The following CCDC3 variants were observed in gnomAD, a reference collection of about 807,000 sequenced individuals.
The protein encoded by CCDC3 is coiled-coil domain containing 3, also known as coiled-coil domain-containing protein 3.
Under a neutral mutation model 21.4 loss-of-function variants are expected in CCDC3, and 24 were observed. The ratio of observed to expected loss-of-function variants is 1.12; its 90% CI spans 0.81 to 1.58. The LOEUF is 1.58. CCDC3 is among the 40% of genes most tolerant of loss of function. The pLI is 0.00. For synonymous variants in CCDC3, 186 were observed against 166.0 expected (o/e 1.12, Z -0.93); for missense variants, 425 against 360.9 (o/e 1.18, Z -1.44).
intron 2 of CCDC3, among the ~76,000 whole-genome samples, chr10:12,899,265 T>C (rs1385224877): frequency 6.6e-6 from 1 of 151,984 alleles, no homozygotes; most frequent in Non-Finnish European, 1.5e-5. Context: ...ACCCCACTCA[T>C]AATAACATAA....
chr10:13,019,134 T>C (rs1480913755), intron 5 of CCDC3, among the ~76,000 whole-genome samples: 1 of 151,882 alleles, frequency 6.6e-6, no homozygotes, highest in East Asian at 1.9e-4. Flanking sequence ...CTCGGGAGGC[T>C]GAGGCAGGAG....
intron 4 of CCDC3, among the ~76,000 whole-genome samples, chr10:13,060,984 C>T (rs1836750841): frequency 6.6e-6 from 1 of 152,080 alleles, no homozygotes; most frequent in Non-Finnish European, 1.5e-5. Context: ...AAAGGCATGG[C>T]CCAAGATTAG....
In CCDC3 at chr10:12,998,351, T is replaced by C; in HGVS notation, c.536A>G (p.Gln179Arg). The C allele has an allele frequency of 1.2e-6, 2 of 1,614,106 alleles. No individual in the cohort carries two copies. The highest frequency in any genetic ancestry group is 1.7e-6 in the Non-Finnish European group (2 of 1,179,992). ...GCCAATTCTTACCCTACTGTCTTCC[T>C]GGATTTCCCAGTCACTGGAGAAAGT... ...LATFSSDWEI[Q>R]EDSRLMCSSV... Residue 179 changes from glutamine to arginine, a missense_variant, in exon 2 of 3, where the codon CAG (glutamine) becomes CGG (arginine). Physicochemically the swap from Gln to Arg is conservative, Grantham distance 43 (BLOSUM62 1). Transcript: ENST00000378825.
intron 2 of CCDC3, among the ~76,000 whole-genome samples, chr10:12,950,156 A>C (rs575330849): frequency 6.6e-6 from 1 of 152,168 alleles, no homozygotes; most frequent in Non-Finnish European, 1.5e-5. Context: ...TGCCCAATCC[A>C]GACCACATGG....
At chr10:13,016,411 C>T (rs1227893395) in intron 5 of CCDC3, among the ~76,000 whole-genome samples, 2 of 149,914 alleles carry the variant, frequency 1.3e-5, no homozygotes, top group Non-Finnish European at 3.0e-5. Flanking sequence ...GAAACCTAAA[C>T]GGAGACAAGC....
intron 2 of CCDC3, among the ~76,000 whole-genome samples, chr10:12,913,941 T>C (rs1329928948): frequency 6.6e-6 from 1 of 152,242 alleles, no homozygotes; most frequent in Admixed American, 6.5e-5. Context: ...TGTCATTTGA[T>C]CATGGCAAAT....
At chr10:12,942,300 A>G (rs1408187847) in intron 2 of CCDC3, among the ~76,000 whole-genome samples, 1 of 152,172 alleles carries the variant, frequency 6.6e-6, no homozygotes, top group Non-Finnish European at 1.5e-5. Context: ...AAAGTAGTAA[A>G]TTTTGTGGGT....
At chr10:13,022,138 G>C (rs982077113) in intron 5 of CCDC3, among the ~76,000 whole-genome samples, 4 of 152,156 alleles carry the variant, frequency 2.6e-5, no homozygotes, top group African/African-American at 9.7e-5. Flanking sequence ...GTTTATTGAT[G>C]AGAGTACAGG....
intron 2 of CCDC3, among the ~76,000 whole-genome samples, chr10:12,952,716 A>T (rs1835024852): frequency 6.6e-6 from 1 of 152,144 alleles, no homozygotes; most frequent in South Asian, 2.1e-4. Context: ...GATTCCAGTC[A>T]TTTTGGGAGC....
At chr10:13,046,072 CAG>C (rs1326869809) in intron 5 of CCDC3, among the ~76,000 whole-genome samples, 1 of 151,902 alleles carries the variant, frequency 6.6e-6, no homozygotes, top group Non-Finnish European at 1.5e-5. Context: ...GCCTGGGTGA[CAG>C]AGTGAGACTC....
intron 2 of CCDC3, among the ~76,000 whole-genome samples, chr10:12,912,335 A>T (rs888429859): frequency 6.6e-6 from 1 of 152,130 alleles, no homozygotes; most frequent in South Asian, 2.1e-4. Flanking sequence ...GTGTGAGATG[A>T]TATCTCATAT....
Position 12,899,442 on chromosome 10 carries a change from C to T in CCDC3, c.550-763G>A, listed in dbSNP as rs2131191803. ...AAAATAACTGCATATACCCTTTGAT[C>T]TAGTAATTCTGGGACTATCTCAGAT... is the stretch of plus-strand genomic sequence containing the variant. On this transcript the variant is annotated intron_variant, in intron 2 of 2. Coordinates refer to ENST00000378825, the MANE Select transcript of CCDC3 (RefSeq NM_031455.4). Among the ~76,000 whole-genome samples, 2 of 152,224 alleles carry T rather than the reference C, an allele frequency of 1.3e-5. 1 individual carries two copies. The highest frequency in any genetic ancestry group is 3.9e-4 in the East Asian group (2 of 5,182).
chr10:13,088,254 G>T (rs1245746604), intron 3 of CCDC3, among the ~76,000 whole-genome samples: 2 of 152,024 alleles, frequency 1.3e-5, no homozygotes, highest in African/African-American at 2.4e-5. Context: ...TCATTAAAAA[G>T]ACTCAACAAT....
chr10:13,090,066 TATA>T (rs1832545914), intron 3 of CCDC3, among the ~76,000 whole-genome samples: 1 of 118,804 alleles, frequency 8.4e-6, no homozygotes, highest in Non-Finnish European at 1.8e-5. Flanking sequence ...TATATATATA[TATA>T]TATATATATC....
In CCDC3 at chr10:13,030,314, C is replaced by A. The variant is rs191234013; in HGVS notation, c.-2+19360G>T. Among the ~76,000 whole-genome samples, 37 of 152,288 alleles carry A rather than the reference C, an allele frequency of 2.4e-4. No homozygotes were observed. The East Asian group carries it at 6.8e-3, about 28-fold the overall frequency. ...GCTGAGAGATTTTGTTACCACCAGG[C>A]CTGCCTTACAAGAGCTCCTGAAGGA... On this transcript the variant is annotated intron_variant, in intron 5 of 6. Coordinates refer to the CCDC3 transcript ENST00000378839.
At chr10:12,977,270 G>A (rs1411649835) in intron 2 of CCDC3, among the ~76,000 whole-genome samples, 2 of 146,684 alleles carry the variant, frequency 1.4e-5, no homozygotes, top group Non-Finnish European at 3.0e-5. Context: ...GCGAGACCTT[G>A]TCTCAAAAAA....
chr10:13,021,151 C>A (rs1836140240), intron 5 of CCDC3, among the ~76,000 whole-genome samples: 1 of 152,200 alleles, frequency 6.6e-6, no homozygotes, highest in Non-Finnish European at 1.5e-5. Flanking sequence ...TATAAATGTT[C>A]TACTCGGCAT....
intron 2 of CCDC3, among the ~76,000 whole-genome samples, chr10:12,964,530 C>G (rs549323795): frequency 4.7e-4 from 71 of 152,330 alleles, no homozygotes; most frequent in African/African-American, 1.7e-3. Context: ...CTGAGAACAA[C>G]AGTACCACGA....
chr10:12,941,148 G>A (rs7083724), intron 2 of CCDC3, among the ~76,000 whole-genome samples: 2 of 151,876 alleles, frequency 1.3e-5, no homozygotes, highest in East Asian at 1.9e-4. Flanking sequence ...GTAAACAAGC[G>A]GCTAAAACCA....
Sources: allele counts gnomAD v4.1 joint callset (sites outside exome capture counted in the v4.1 genomes callset), GRCh38; gene constraint gnomAD v4.1.1; transcripts MANE v1.5; gene names NCBI Gene and HGNC (gene_info 2026-07-23, HGNC 2026-07-21).